TRDMT1: variants seen among roughly 807,000 people sequenced by gnomAD.
The protein encoded by TRDMT1 is tRNA aspartic acid methyltransferase 1.
Under a neutral mutation model 51.2 loss-of-function variants are expected in TRDMT1, and 49 were observed. The ratio of observed to expected loss-of-function variants is 0.96; its 90% CI spans 0.76 to 1.21. TRDMT1 has a LOEUF of 1.21. Among genes scored for constraint, TRDMT1 ranks in the 50% most tolerant of loss-of-function variants. The pLI is 0.00. For missense variants in TRDMT1, 534 were observed against 462.3 expected, an observed-to-expected ratio of 1.16 and a Z score of -1.42; for synonymous variants, 187 against 164.6, an observed-to-expected ratio of 1.14 and a Z score of -1.04.
chr10:17,158,294 C>T (rs1378477140), intron 7 of TRDMT1, among the ~76,000 whole-genome samples: 1 of 152,016 alleles, frequency 6.6e-6, no homozygotes, highest in Non-Finnish European at 1.5e-5. Context: ...CTTGTTTCTG[C>T]AAAACATACA....
chr10:17,199,060 C>T (rs1331970770), intron 1 of TRDMT1, among the ~76,000 whole-genome samples: 3 of 152,096 alleles, frequency 2.0e-5, no homozygotes, highest in Non-Finnish European at 4.4e-5. Context: ...TTTAAAAGAT[C>T]CCTAATAAAC....
At chr10:17,159,338 T>A in intron 6 of TRDMT1, 109 bp from the exon 7 acceptor site, 1 of 661,118 alleles carries the variant, frequency 1.5e-6, no homozygotes, top group Non-Finnish European at 2.5e-6. Flanking sequence ...AGCCTACATT[T>A]AGCTTCTACC....
rs140407392 is a variant in TRDMT1 at position 17,163,465 on chromosome 10, G to C, written c.252-1228C>G. Among the ~76,000 whole-genome samples, 1,407 of 152,208 alleles carry C rather than the reference G, an allele frequency of 9.2e-3. 17 individuals carry two copies. Among genetic ancestry groups the C allele is most frequent in the African/African-American group, 0.032 (1,348 of 41,526 alleles). ...CCTAACATCACAATTAAAAGAACTA[G>C]AGAAGCAAGAGCAAACACATTCAAA... On this transcript the variant is annotated intron_variant, in intron 3 of 10. Transcript: ENST00000377799.
At chr10:17,181,253 T>C (rs1385763979) in intron 1 of TRDMT1, among the ~76,000 whole-genome samples, 1 of 151,988 alleles carries the variant, frequency 6.6e-6, no homozygotes, top group Non-Finnish European at 1.5e-5. Flanking sequence ...CCACTGGAGG[T>C]TTGGAAAGCA....
At chr10:17,169,519 CTG>C in intron 2 of TRDMT1, 2 of 1,289,792 alleles carry the variant, frequency 1.6e-6, no homozygotes, top group South Asian at 1.2e-5. Context: ...TAGCTGAAAA[CTG>C]TGCTGTGTTG....
At chr10:17,180,164 A>G (rs1843105867) in intron 1 of TRDMT1, among the ~76,000 whole-genome samples, 1 of 152,218 alleles carries the variant, frequency 6.6e-6, no homozygotes, top group Non-Finnish European at 1.5e-5. Context: ...ATGTTTGTCT[A>G]TTAATTTGCC....
chr10:17,160,260 C>T (rs375823711), intron 6 of TRDMT1, 45 bp downstream of exon 6: 2 of 1,287,356 alleles, frequency 1.6e-6, no homozygotes. Context: ...GAAAAAAAGC[C>T]TTTAAATTAT....
In TRDMT1 at chr10:17,146,863, T is replaced by C. The variant is rs1465826719; in HGVS notation, c.*2177A>G. On this transcript the variant is annotated 3_prime_UTR_variant, in exon 11 of 11. Transcript: ENST00000377799. ...CATACATATACATCTGCTAATTGAA[T>C]GACACTGGTAGATACATCTTCATTA... 1.0e-6 allele frequency: 1 copy of C among 985,278 alleles called. No individual in the cohort carries two copies. Among genetic ancestry groups the C allele is most frequent in the Non-Finnish European group, 1.2e-6 (1 of 829,914 alleles). 61.0% of individuals were successfully genotyped at this position (985,278 alleles called of 1,614,324 possible).
chr10:17,185,200 C>A (rs1843726867), intron 1 of TRDMT1, among the ~76,000 whole-genome samples: 1 of 152,112 alleles, frequency 6.6e-6, no homozygotes, highest in African/African-American at 2.4e-5. Context: ...ATTGAAAGTG[C>A]AAAGACTTTT....
In TRDMT1 at chr10:17,141,735, T is replaced by C. The variant is rs927918277; in HGVS notation, c.*7305A>G. ...TCCTCTCTACTACTGATCTCAAGTT[T>C]AGCAAAAGATATAAATGTACAGATT... On this transcript the variant is annotated 3_prime_UTR_variant, in exon 11 of 11. Transcript: ENST00000377799. Among the ~76,000 whole-genome samples the C allele has an allele frequency of 6.6e-6, 1 of 152,226 alleles. No individual in the cohort carries two copies. The highest frequency in any genetic ancestry group is 6.5e-5 in the Admixed American group (1 of 15,270).
At chr10:17,170,029 G>T (rs1371898112) in intron 2 of TRDMT1, among the ~76,000 whole-genome samples, 1 of 152,072 alleles carries the variant, frequency 6.6e-6, no homozygotes, top group East Asian at 1.9e-4. Context: ...ATAAGCAACT[G>T]GACGTGGAAT....
chr10:17,163,801 C>A (rs1840767564), intron 3 of TRDMT1, among the ~76,000 whole-genome samples: 1 of 152,150 alleles, frequency 6.6e-6, no homozygotes, highest in Non-Finnish European at 1.5e-5. Context: ...CATACACCCT[C>A]CCAAGACTAA....
Position 17,144,595 on chromosome 10 carries a change from T to C in TRDMT1, c.*4445A>G. ...ATATAAAGCCAATGTATATGAGAAC[T>C]TGGGGAATACAAAGCCAAAACAGCT... On this transcript the variant is annotated 3_prime_UTR_variant, in exon 11 of 11. Coordinates refer to ENST00000377799, the MANE Select transcript of TRDMT1 (RefSeq NM_004412.7). 2 of 985,512 alleles carry C rather than the reference T, an allele frequency of 2.0e-6. No homozygotes were observed. Among genetic ancestry groups the C allele is most frequent in the African/African-American group, 1.7e-5 (1 of 57,358 alleles). 61.0% of individuals were successfully genotyped at this position (985,512 alleles called of 1,614,324 possible).
rs1052961005 is a variant in TRDMT1, at chr10:17,147,628, A to G, written c.*1412T>C. On this transcript the variant is annotated 3_prime_UTR_variant, in exon 11 of 11. Transcript: ENST00000377799. ...ACTCAAGGTTCATCCATGTCACCGC[A>G]TATGTCAGAATTTCCTTCCTGCGGA... The G allele has an allele frequency of 2.6e-5, 4 of 153,682 alleles. No homozygotes were observed. The highest frequency in any genetic ancestry group is 9.6e-5 in the African/African-American group (4 of 41,456). 9.5% of individuals were successfully genotyped at this position (153,682 alleles called of 1,614,324 possible).
chr10:17,150,525 T>A, intron 10 of TRDMT1: 1 of 985,428 alleles, frequency 1.0e-6, no homozygotes, highest in Non-Finnish European at 1.2e-6. Flanking sequence ...CATAAAAGAC[T>A]GTCCACGTAC....
At position 17,158,484 on chromosome 10, in the gene TRDMT1, G is replaced by T. The variant is rs190634743; in HGVS notation, c.543+662C>A. Among the ~76,000 whole-genome samples, 4 of 152,164 alleles carry T rather than the reference G, an allele frequency of 2.6e-5. No individual in the cohort carries two copies. The East Asian group carries it at 7.7e-4, about 29-fold the overall frequency. On this transcript the variant is annotated intron_variant, in intron 7 of 10. Coordinates refer to ENST00000377799, the MANE Select transcript of TRDMT1 (RefSeq NM_004412.7). ...CAATATTAGTATCATATTATAAAGG[G>T]ATTGAGGTGACACTACCAATCCCTT...
rs1305983951 is a variant in TRDMT1 at position 17,141,225 on chromosome 10, C to T, written c.*7815G>A. Among the ~76,000 whole-genome samples, 2 of 152,248 alleles carry T rather than the reference C, an allele frequency of 1.3e-5. No homozygotes were observed. Among genetic ancestry groups the T allele is most frequent in the South Asian group, 2.1e-4 (1 of 4,824 alleles). On this transcript the variant is annotated 3_prime_UTR_variant, in exon 11 of 11. Transcript: ENST00000377799. ...GTCACCAGGCTGGAGTGCAGTGGCA[C>T]GATCTCAGCTCACTGCAGTCTCCGC...
intron 1 of TRDMT1, among the ~76,000 whole-genome samples, chr10:17,190,599 T>G (rs1447020276): frequency 6.6e-6 from 1 of 152,232 alleles, no homozygotes; most frequent in Admixed American, 6.5e-5. Flanking sequence ...TGTTTTATCA[T>G]GTATTACAGA....
At chr10:17,151,556 T>A in intron 10 of TRDMT1, 1 of 985,554 alleles carries the variant, frequency 1.0e-6, no homozygotes. Flanking sequence ...TGCTCAGTGG[T>A]GACATCAGGG....
Sources: allele counts gnomAD v4.1 joint callset (sites outside exome capture counted in the v4.1 genomes callset), GRCh38; gene constraint gnomAD v4.1.1; transcripts MANE v1.5; gene names NCBI Gene and HGNC (gene_info 2026-07-23, HGNC 2026-07-21).